TCFL5: variants seen among roughly 807,000 people sequenced by gnomAD.
TCFL5 encodes transcription factor-like 5 protein.
TCFL5 carries 9 observed loss-of-function variants against 44.3 expected under a neutral mutation model. The ratio of observed to expected loss-of-function variants is 0.20; its 90% confidence interval spans 0.12 to 0.35. The LOEUF (loss-of-function observed/expected upper bound fraction) is 0.35, where lower values mean the gene tolerates loss of function less well. TCFL5 is among the 10% of genes least tolerant of loss of function. TCFL5 has a pLI of 1.00. For synonymous variants in TCFL5, 319 were observed against 271.6 expected (o/e 1.17, Z -1.72); for missense variants, 603 against 613.4 (o/e 0.98, Z 0.18).
intron 1 of TCFL5, 60 bp from the exon 2 acceptor site, chr20:62,860,368 A>C: frequency 4.7e-6 from 7 of 1,498,714 alleles, no homozygotes; most frequent in Non-Finnish European, 6.4e-6. Flanking sequence ...AGCATCCACC[A>C]TCCCACTCCC....
At position 62,842,040 on chromosome 20, in the gene TCFL5, C is replaced by T. The variant is rs1005185234; in HGVS notation, c.1438G>A (p.Asp480Asn). 5 of 1,614,110 alleles carry T rather than the reference C, an allele frequency of 3.1e-6. No individual in the cohort carries two copies. The Admixed American group carries it at 5.0e-5, about 16-fold the overall frequency. The change falls in exon 6 of 6, where the codon GAC (aspartate) becomes AAC (asparagine). Residue 480 changes from aspartate (D) to asparagine (N), a missense_variant. Around this residue, in one of 4 missense-constraint regions of TCFL5, gnomAD observed 41 missense variants for 61.4 expected, o/e 0.67. Transcript: ENST00000335351. This position sits in a 1 kb window ranked among gnomAD's most constrained non-coding sequence, Gnocchi z 4.3. ...TGRRLKLTRP[D>N]SLVTCPAQGS... ...TGTGCAGGACAGGTCACCAAGGAGT[C>T]CGGTCTGGTCAGCTTTAGCCTTCGG...
In TCFL5 at chr20:62,842,462, A is replaced by G. The variant is rs892629426; in HGVS notation, c.1381-365T>C. On this transcript the variant is annotated intron_variant, in intron 5 of 5. Transcript: ENST00000335351. This position sits in a 1 kb window ranked among gnomAD's most constrained non-coding sequence, Gnocchi z 4.3. The stretch of plus-strand genomic sequence containing the variant: ...CAGCGTGTGAGAGAAGGTAGAGTGT[A>G]TATATTAAAACGTTTCAGGCCGGGC... Among the ~76,000 whole-genome samples, 7 of 152,310 alleles carry G rather than the reference A, an allele frequency of 4.6e-5. No homozygotes were observed. Among genetic ancestry groups the G allele is most frequent in the African/African-American group, 1.7e-4 (7 of 41,566 alleles).
intron 5 of TCFL5, chr20:62,852,286 A>G: frequency 1.0e-6 from 1 of 979,472 alleles, no homozygotes; most frequent in Non-Finnish European, 1.2e-6. Flanking sequence ...AGAGCCACTG[A>G]CCCTGGCCAC....
chr20:62,846,550 T>C (rs575010273), intron 5 of TCFL5, among the ~76,000 whole-genome samples: 3 of 152,306 alleles, frequency 2.0e-5, no homozygotes, highest in South Asian at 4.1e-4. Context: ...CATCAAAACA[T>C]TGAGATGACA....
rs774129264 is a variant in TCFL5 at position 62,842,695 on chromosome 20, G to A, written c.1381-598C>T. Reference sequence around the variant, plus strand: ...GGACAATCTCTTGAGCCTGGGAGGTGGAGGTTGCAGTGAGCCGAGATCATG... The same window carrying A: ...GGACAATCTCTTGAGCCTGGGAGGTAGAGGTTGCAGTGAGCCGAGATCATG... On this transcript the variant is annotated intron_variant, in intron 5 of 5. Transcript: ENST00000335351. The surrounding 1 kb of genome is among the most constrained non-coding windows in gnomAD (Gnocchi z 4.3). Among the ~76,000 whole-genome samples, 3 of 152,176 alleles carry A rather than the reference G, an allele frequency of 2.0e-5. No homozygotes were observed. In the East Asian group the frequency reaches 5.8e-4, roughly 29 times the overall value.
At chr20:62,851,378 TATAC>T (rs1204736975) in intron 5 of TCFL5, 4 of 274,086 alleles carry the variant, frequency 1.5e-5, no homozygotes, top group African/African-American at 6.9e-5. Flanking sequence ...AATCTTTGAC[TATAC>T]ATACAATTAA....
chr20:62,857,490 G>A lies in TCFL5; in HGVS notation c.1143C>T (p.Ser381=), dbSNP rs1006882335. The A allele has an allele frequency of 9.9e-6, 16 of 1,614,196 alleles. No homozygotes were observed. The East Asian group carries it at 3.6e-4, about 36-fold the overall frequency. ...ATQGAWQSSE[S]SQANLGEQAQ... ...CCTGCTCCCCCAGGTTTGCCTGTGA[G>A]GACTCCGAGGACTGCCAAGCGCCTT... Residue 381 remains serine, a synonymous_variant, in exon 4 of 6, where the codon TCC becomes TCT. Transcript: ENST00000335351.
chr20:62,847,237 T>C (rs1369500433), intron 5 of TCFL5, among the ~76,000 whole-genome samples: 4 of 151,594 alleles, frequency 2.6e-5, no homozygotes, highest in African/African-American at 9.7e-5. Context: ...ATGAAAGCAT[T>C]GTGTCCTAAC....
Position 62,845,818 on chromosome 20 carries a change from C to T in TCFL5, c.1381-3721G>A, listed in dbSNP as rs760522097. 25 of 1,600,674 alleles carry T rather than the reference C, an allele frequency of 1.6e-5. No homozygotes were observed. The African/African-American group carries it at 3.4e-4, about 21-fold the overall frequency. ...GGTGTGGCAATGTGTCCAGGCTGCT[C>T]TCTCATTATAAAAGTGATTTATGAC... On this transcript the variant is annotated intron_variant, in intron 5 of 5. Transcript: ENST00000335351.
In TCFL5 at chr20:62,849,178, G is replaced by C. The variant is rs1288714985; in HGVS notation, c.1380+4838C>G. On this transcript the variant is annotated intron_variant, in intron 5 of 5. Transcript: ENST00000335351. Reference sequence around the variant, plus strand: ...AGACGCCGTCTCAAAAAAAAAACACGGAAGTATTTAAGTATAAAGAAGCAT... The same window carrying C: ...AGACGCCGTCTCAAAAAAAAAACACCGAAGTATTTAAGTATAAAGAAGCAT... 7.9e-5 allele frequency among the ~76,000 whole-genome samples: 12 copies of C among 151,490 alleles called. No homozygotes were observed. The South Asian group carries it at 1.5e-3, about 19-fold the overall frequency.
chr20:62,841,706 A>ATGCT lies in TCFL5; in HGVS notation c.*265_*268dup. 3.9e-6 allele frequency: 1 copy of ATGCT among 256,914 alleles called. No individual in the cohort carries two copies. Among genetic ancestry groups the ATGCT allele is most frequent in the East Asian group, 7.5e-5 (1 of 13,298 alleles). The allele number at this position is 256,914 out of a possible 1,614,324, so 15.9% of individuals were successfully genotyped here. On this transcript the variant is annotated 3_prime_UTR_variant, in exon 6 of 6. Transcript: ENST00000335351. ...ATGATGGAATCAGAGCATTGAGAAAATGCTTACTAATTATTACTAATTAAT... is the reference window on the plus strand; with the variant it reads ...ATGATGGAATCAGAGCATTGAGAAAATGCTTGCTTACTAATTATTACTAATTAAT...
At chr20:62,860,927 C>A in intron 1 of TCFL5, 97 bp downstream of exon 1, 1 of 909,500 alleles carries the variant, frequency 1.1e-6, no homozygotes, top group Non-Finnish European at 1.3e-6. Flanking sequence ...AGGCTGGGGG[C>A]GTGCACAGCG....
In TCFL5 at chr20:62,857,261, G is replaced by A. The variant is rs964125775; in HGVS notation, c.1238+134C>T. The A allele has an allele frequency of 4.7e-6, 6 of 1,282,696 alleles. No homozygotes were observed. The African/African-American group carries it at 8.9e-5, about 19-fold the overall frequency. The allele number at this position is 1,282,696 out of a possible 1,614,324, so 79.5% of individuals were successfully genotyped here. A position where few individuals can be genotyped will look rare whatever the true frequency, so the allele number is the denominator to read the frequency against. On this transcript the variant is annotated intron_variant, in intron 4 of 5. Coordinates refer to ENST00000335351, the MANE Select transcript of TCFL5 (RefSeq NM_006602.4). ...TCTGGGGGATCCTTGATCCATCTGGGAAAGCTAACGATGCTCCTACCTGCT... is the reference window on the plus strand; with the variant it reads ...TCTGGGGGATCCTTGATCCATCTGGAAAAGCTAACGATGCTCCTACCTGCT...
chr20:62,855,599 T>A (rs548128136), intron 4 of TCFL5, among the ~76,000 whole-genome samples: 1 of 152,290 alleles, frequency 6.6e-6, no homozygotes, highest in East Asian at 1.9e-4. Context: ...AAACCCCTCC[T>A]GTACTAAAAA....
chr20:62,857,694 G>A, intron 3 of TCFL5, 56 bp from the exon 4 acceptor site: 2 of 1,579,226 alleles, frequency 1.3e-6, no homozygotes, highest in Non-Finnish European at 1.7e-6. Flanking sequence ...CTCAATTAAT[G>A]CTGAATACAG....
chr20:62,841,039 G>A lies in TCFL5; in HGVS notation c.*936C>T, dbSNP rs961698857. The A allele has an allele frequency of 3.5e-5, 13 of 366,394 alleles. No homozygotes were observed. Among genetic ancestry groups the A allele is most frequent in the Non-Finnish European group, 6.2e-5 (12 of 195,084 alleles). 22.7% of individuals were successfully genotyped at this position (366,394 alleles called of 1,614,324 possible). A position where few individuals can be genotyped will look rare whatever the true frequency, so the allele number is the denominator to read the frequency against. ...AAATATTCAGTAACTTGTTTACATA[G>A]CATTTGTGTAAAGACTATGATCTCA... On this transcript the variant is annotated 3_prime_UTR_variant, in exon 6 of 6. Coordinates refer to ENST00000335351, the MANE Select transcript of TCFL5 (RefSeq NM_006602.4).
Position 62,852,977 on chromosome 20 carries a change from C to T in TCFL5, c.1380+1039G>A, listed in dbSNP as rs1322068420. On this transcript the variant is annotated intron_variant, in intron 5 of 5. Transcript: ENST00000335351. The stretch of plus-strand genomic sequence containing the variant: ...CCTAGTCCGCAGAAGCATGGTCACC[C>T]GGTCGGCTGAAGTACATTCACCCAG... 2.3e-5 allele frequency: 30 copies of T among 1,288,630 alleles called. 2 individuals carry two copies. In the South Asian group the frequency reaches 2.8e-4, roughly 12 times the overall value. 79.8% of individuals were successfully genotyped at this position (1,288,630 alleles called of 1,614,324 possible). A position where few individuals can be genotyped will look rare whatever the true frequency, so the allele number is the denominator to read the frequency against.
rs1226335704 is a variant in TCFL5 at position 62,860,185 on chromosome 20, G to A, written c.771C>T (p.Tyr257=). 1.9e-6 allele frequency: 3 copies of A among 1,613,820 alleles called. No individual in the cohort carries two copies. The Admixed American group carries it at 5.0e-5, about 27-fold the overall frequency. ...AGCAAGCATTTGTAGTAAACAGTGG[G>A]TATGTAAATTGCAAAGCAGTAGTTG... The part of the protein sequence containing the change: ...AATTTALQFT[Y]PLFTTNACST... Residue 257 remains tyrosine (Y), a synonymous_variant, in exon 2 of 6, where the codon TAC becomes TAT. Transcript: ENST00000335351.
chr20:62,860,159 G>A lies in TCFL5; in HGVS notation c.797C>T (p.Ser266Phe). 3 of 1,612,712 alleles carry A rather than the reference G, an allele frequency of 1.9e-6. No homozygotes were observed. The South Asian group carries it at 3.3e-5, about 18-fold the overall frequency. The change falls in exon 2 of 6, where the codon TCT becomes TTT. Residue 266 changes from serine (S) to phenylalanine (F), a missense_variant. By Grantham distance (155) the Ser-to-Phe change is radical (BLOSUM62 -2). This residue lies in a region of TCFL5 where 540 missense variants were observed against 478.7 expected (regional missense o/e 1.13). Transcript: ENST00000335351. The stretch of plus-strand genomic sequence containing the variant: ...TGAAAGATTAGAATTTCCACTAGTA[G>A]AGCAAGCATTTGTAGTAAACAGTGG... ...TYPLFTTNAC[S>F]TSGNSNLSQT...
Sources: gnomAD v4.1 joint callset for allele counts (sites outside exome capture counted in the v4.1 genomes callset) on GRCh38, gnomAD v4.1.1 for gene constraint, gnomAD v4.1.1 regional missense constraint, Gnocchi (gnomAD v3.1) non-coding constraint, MANE v1.5 for transcripts, NCBI Gene and HGNC (gene_info 2026-07-23, HGNC 2026-07-21) for gene names.